The following FBXW10B variants were observed in gnomAD, a reference collection of about 807,000 sequenced individuals.
FBXW10B encodes the protein F-box and WD repeat domain containing 10B.
chr17:15,573,227 C>T, the FBXW10B span: 2 of 152,210 alleles, frequency 1.3e-5, no homozygotes. Context: ...TGCAGCTCCC[C>T]TGTTCAGTCA....
At chr17:15,597,774 A>G in the FBXW10B span, among the ~76,000 whole-genome samples, 2 of 117,562 alleles carry the variant, frequency 1.7e-5, no homozygotes, top group South Asian at 3.2e-4. Context: ...GAGACAAAAT[A>G]TAACAACAAC....
chr17:15,572,900 G>C, the FBXW10B span: 1 of 152,052 alleles, frequency 6.6e-6, no homozygotes, highest in African/African-American at 2.4e-5. Context: ...GGGCTGGTGT[G>C]ATCAGATTTA....
chr17:15,600,003 T>G, the FBXW10B span, among the ~76,000 whole-genome samples: 1 of 151,480 alleles, frequency 6.6e-6, no homozygotes, highest in African/African-American at 2.4e-5. Context: ...GATCACGAGG[T>G]CAGGAGATCG....
the FBXW10B span, among the ~76,000 whole-genome samples, chr17:15,576,438 T>C: frequency 2.6e-5 from 4 of 152,304 alleles, no homozygotes; most frequent in African/African-American, 9.6e-5. Flanking sequence ...CCCAGAAATA[T>C]GTGTTGAATG....
the FBXW10B span, among the ~76,000 whole-genome samples, chr17:15,593,102 CAA>C: frequency 1.6e-5 from 2 of 125,330 alleles, no homozygotes; most frequent in South Asian, 2.6e-4. Flanking sequence ...AACTATGTCT[CAA>C]AAAAAAAAAA....
At chr17:15,596,869 T>G in the FBXW10B span, among the ~76,000 whole-genome samples, 2 of 152,078 alleles carry the variant, frequency 1.3e-5, no homozygotes, top group Non-Finnish European at 2.9e-5. Context: ...GCGCCCTGAA[T>G]ACAGGTGGTT....
chr17:15,600,394 A>C, the FBXW10B span, among the ~76,000 whole-genome samples: 1 of 147,862 alleles, frequency 6.8e-6, no homozygotes, highest in Non-Finnish European at 1.5e-5. Flanking sequence ...ATGCAGCCAC[A>C]GTGCATTGAA....
At chr17:15,615,663 C>A in the FBXW10B span, 1 of 1,613,816 alleles carries the variant, frequency 6.2e-7, no homozygotes, top group Middle Eastern at 1.7e-4. Context: ...GATGCTGCCC[C>A]AAGGAAGTGT....
the FBXW10B span, chr17:15,615,671 T>C: frequency 1.9e-6 from 3 of 1,613,854 alleles, no homozygotes; most frequent in Middle Eastern, 1.7e-4. Context: ...CCCAAGGAAG[T>C]GTTCATTTTC....
the FBXW10B span, among the ~76,000 whole-genome samples, chr17:15,606,227 C>A: frequency 2.8e-5 from 4 of 140,826 alleles, 1 homozygote; most frequent in African/African-American, 1.1e-4. Flanking sequence ...CCACGCCCAA[C>A]CTGGGGACAC....
the FBXW10B span, among the ~76,000 whole-genome samples, chr17:15,584,251 A>G: frequency 6.6e-6 from 1 of 152,256 alleles, no homozygotes; most frequent in Non-Finnish European, 1.5e-5. Context: ...TATCCAAAGA[A>G]TAAGCCACTG....
the FBXW10B span, chr17:15,594,964 A>G: frequency 6.3e-7 from 1 of 1,589,390 alleles, no homozygotes; most frequent in Admixed American, 1.7e-5. Flanking sequence ...CCTTCTTCAG[A>G]TGAATCCCAA....
chr17:15,570,579 T>C, the FBXW10B span, among the ~76,000 whole-genome samples: 88 of 152,214 alleles, frequency 5.8e-4, no homozygotes, highest in African/African-American at 2.0e-3. Flanking sequence ...AGTGTTGTTC[T>C]GGAGCTCCTG....
the FBXW10B span, chr17:15,573,478 C>T: frequency 6.6e-6 from 1 of 152,192 alleles, no homozygotes; most frequent in East Asian, 1.9e-4. Flanking sequence ...CTAGTGAACA[C>T]AGTCATTATT....
At chr17:15,603,120 A>G in the FBXW10B span, among the ~76,000 whole-genome samples, 1 of 141,904 alleles carries the variant, frequency 7.0e-6, no homozygotes, top group South Asian at 2.3e-4. Context: ...CCGACCTCAG[A>G]TGATCCGCCT....
the FBXW10B span, chr17:15,613,797 G>A: frequency 1.2e-5 from 20 of 1,611,466 alleles, no homozygotes; most frequent in Non-Finnish European, 8.5e-7. Context: ...CAAGAGGGGA[G>A]GTGTCTGGGA....
At chr17:15,596,514 C>G in the FBXW10B span, 1 of 1,585,422 alleles carries the variant, frequency 6.3e-7, no homozygotes, top group Non-Finnish European at 8.6e-7. Context: ...GCCCACTTAC[C>G]TTTACCAACT....
the FBXW10B span, among the ~76,000 whole-genome samples, chr17:15,604,492 C>A: frequency 6.6e-5 from 10 of 152,132 alleles, no homozygotes; most frequent in Admixed American, 2.6e-4. Context: ...GAGTAATGGA[C>A]GCATGAGTGT....
At chr17:15,569,998 G>A in the FBXW10B span, among the ~76,000 whole-genome samples, 4,734 of 152,198 alleles carry the variant, frequency 0.031, 242 homozygotes, top group African/African-American at 0.11. Flanking sequence ...CTTGTCACAC[G>A]AACAGTTTTA....
Sources: gnomAD v4.1 joint callset for allele counts (sites outside exome capture counted in the v4.1 genomes callset) on GRCh38, gnomAD v4.1.1 for gene constraint, MANE v1.5 for transcripts, NCBI Gene and HGNC (gene_info 2026-07-23, HGNC 2026-07-21) for gene names.